Variants in CCDC73 observed in about 807,000 individuals in gnomAD.
CCDC73 encodes the protein coiled-coil domain containing 73, also known as coiled-coil domain-containing protein 73.
CCDC73 carries 95 observed loss-of-function variants against 116.5 expected under a neutral mutation model. The observed-to-expected ratio is 0.82, with a 90% CI of 0.69 to 0.97. The LOEUF is 0.97. Among genes scored for constraint, CCDC73 ranks in the 50% least tolerant of loss-of-function variants. The pLI is 0.00. For synonymous variants in CCDC73, 398 were observed against 401.3 expected (o/e 0.99, Z 0.10); for missense variants, 1,066 against 1,206.8 (o/e 0.88, Z 1.73).
the CCDC73 span, among the ~76,000 whole-genome samples, chr11:32,814,046 T>A: frequency 3.3e-5 from 5 of 152,214 alleles, no homozygotes; most frequent in Non-Finnish European, 2.9e-5. Flanking sequence ...TCTTCTTTGA[T>A]CTCTTTCAGT....
Position 32,676,134 on chromosome 11 carries a change from A to T in CCDC73, c.430-113T>A, listed in dbSNP as rs1856086820. ...CCACTGTTGTTAGTAATATAACATA[A>T]ATAAATGTCATTTAAAAGTACTCTC... On this transcript the variant is annotated intron_variant, in intron 7 of 17. Coordinates refer to ENST00000335185, the MANE Select transcript of CCDC73 (RefSeq NM_001008391.4). 21 of 764,104 alleles carry T rather than the reference A, an allele frequency of 2.7e-5. No homozygotes were observed. The East Asian group carries it at 6.4e-4, about 23-fold the overall frequency. The allele number at this position is 764,104 out of a possible 1,614,324, so 47.3% of individuals were successfully genotyped here.
chr11:32,715,031 A>G lies in CCDC73; in HGVS notation c.207+3045T>C, dbSNP rs1849932386. On this transcript the variant is annotated intron_variant, in intron 3 of 17. Coordinates refer to ENST00000335185, the MANE Select transcript of CCDC73 (RefSeq NM_001008391.4). ...TGAAATATTTACTACGTGGCTCTTT[A>G]CAAAAAAAGCTTGCTAACACCCTAC... 2.0e-5 allele frequency among the ~76,000 whole-genome samples: 3 copies of G among 152,266 alleles called. 1 individual carries two copies. The South Asian group carries it at 6.2e-4, about 32-fold the overall frequency.
chr11:32,714,473 G>C (rs950813843), intron 3 of CCDC73, among the ~76,000 whole-genome samples: 1 of 152,032 alleles, frequency 6.6e-6, no homozygotes, highest in Non-Finnish European at 1.5e-5. Context: ...AAAGCTCAGA[G>C]GTAATGTCTT....
At chr11:32,709,144 G>A (rs1849878586) in intron 3 of CCDC73, among the ~76,000 whole-genome samples, 1 of 152,154 alleles carries the variant, frequency 6.6e-6, no homozygotes, top group African/African-American at 2.4e-5. Context: ...TACTTTTTCT[G>A]TGTCTACTGA....
intron 2 of CCDC73, among the ~76,000 whole-genome samples, chr11:32,725,573 AT>A (rs1482530077): frequency 1.3e-5 from 2 of 152,162 alleles, no homozygotes. Context: ...ATATAGCTCA[AT>A]TTTACGTTAA....
At chr11:32,662,298 C>T (rs185255933) in intron 9 of CCDC73, among the ~76,000 whole-genome samples, 5,168 of 152,312 alleles carry the variant, frequency 0.034, 118 homozygotes, top group Non-Finnish European at 0.052. Flanking sequence ...TACAGTCCCA[C>T]CAACAGTGTA....
chr11:32,764,724 G>T (rs1412896636), intron 1 of CCDC73, among the ~76,000 whole-genome samples: 1 of 152,120 alleles, frequency 6.6e-6, no homozygotes, highest in African/African-American at 2.4e-5. Flanking sequence ...AAAATAACCA[G>T]CTAACATCAT....
At chr11:32,681,877 C>T (rs575834836) in intron 7 of CCDC73, 1 of 151,838 alleles carries the variant, frequency 6.6e-6, no homozygotes, top group South Asian at 2.1e-4. Flanking sequence ...AAAAGGGGTA[C>T]TTCTAACTTT....
At chr11:32,637,017 C>CCTT (rs1855686917) in intron 13 of CCDC73, among the ~76,000 whole-genome samples, 1 of 87,938 alleles carries the variant, frequency 1.1e-5, no homozygotes, top group Admixed American at 1.6e-4. Flanking sequence ...TTTTCTTTTT[C>CCTT]TTTTTTTTTT....
At chr11:32,743,921 G>C (rs1001295723) in intron 2 of CCDC73, among the ~76,000 whole-genome samples, 1 of 151,906 alleles carries the variant, frequency 6.6e-6, no homozygotes, top group African/African-American at 2.4e-5. Context: ...CCTGACTGCC[G>C]TGGCCAGAAC....
At chr11:32,829,545 C>A in the CCDC73 span, among the ~76,000 whole-genome samples, 1 of 152,342 alleles carries the variant, frequency 6.6e-6, no homozygotes, top group South Asian at 2.1e-4. Context: ...TGTCCTCGTC[C>A]CCGGACCACC....
chr11:32,690,228 A>G (rs920319635), intron 6 of CCDC73, among the ~76,000 whole-genome samples: 19 of 152,216 alleles, frequency 1.2e-4, no homozygotes, highest in Admixed American at 4.6e-4. Context: ...AATTATAAGA[A>G]AAGAAAACAC....
At chr11:32,741,820 C>G (rs1850189762) in intron 2 of CCDC73, among the ~76,000 whole-genome samples, 1 of 152,024 alleles carries the variant, frequency 6.6e-6, no homozygotes, top group Non-Finnish European at 1.5e-5. Context: ...GTCACCCACC[C>G]CCCACAGGCC....
At chr11:32,622,487 C>G (rs549319683) in intron 14 of CCDC73, among the ~76,000 whole-genome samples, 3 of 151,808 alleles carry the variant, frequency 2.0e-5, no homozygotes, top group Non-Finnish European at 4.4e-5. Context: ...GGAAGGGGAA[C>G]AACACACACT....
chr11:32,789,014 C>G (rs923386117), intron 1 of CCDC73, among the ~76,000 whole-genome samples: 1 of 151,984 alleles, frequency 6.6e-6, no homozygotes. Flanking sequence ...ACATACTATC[C>G]CATTGCAAAA....
intron 1 of CCDC73, among the ~76,000 whole-genome samples, chr11:32,760,852 A>G (rs555682400): frequency 6.6e-6 from 1 of 152,314 alleles, no homozygotes; most frequent in African/African-American, 2.4e-5. Context: ...CCATTCTCTC[A>G]ATAACCCCCG....
chr11:32,792,549 G>A (rs1463165665), intron 1 of CCDC73, among the ~76,000 whole-genome samples: 1 of 152,132 alleles, frequency 6.6e-6, no homozygotes, highest in African/African-American at 2.4e-5. Context: ...GCATCTCACA[G>A]GACTAGTGCT....
At chr11:32,610,935 T>G (rs985651490) in intron 17 of CCDC73, among the ~76,000 whole-genome samples, 197 bp downstream of exon 17, 1 of 152,196 alleles carries the variant, frequency 6.6e-6, no homozygotes, top group South Asian at 2.1e-4. Flanking sequence ...CTGGATTGTA[T>G]CTATTTGATT....
chr11:32,759,657 T>C (rs1362231001), intron 2 of CCDC73, among the ~76,000 whole-genome samples: 3 of 152,198 alleles, frequency 2.0e-5, no homozygotes, highest in Non-Finnish European at 2.9e-5. Context: ...ATAAAGATAT[T>C]TGATTCTTTC....
Sources: allele counts gnomAD v4.1 joint callset (sites outside exome capture counted in the v4.1 genomes callset), GRCh38; gene constraint gnomAD v4.1.1; transcripts MANE v1.5; gene names NCBI Gene and HGNC (gene_info 2026-07-23, HGNC 2026-07-21).